XRCC4: variants seen among roughly 807,000 people sequenced by gnomAD.
XRCC4 encodes the protein DNA repair protein XRCC4.
XRCC4 carries 28 observed loss-of-function variants against 39.1 expected under a neutral mutation model. The ratio of observed to expected loss-of-function variants is 0.72; its 90% CI spans 0.53 to 0.98. The LOEUF is 0.98. Among genes scored for constraint, XRCC4 ranks in the 50% least tolerant of loss-of-function variants. The probability of loss-of-function intolerance (pLI) is 0.00; values close to 1 mark genes in which losing one functional copy is unlikely to be tolerated. For missense variants in XRCC4, 350 were observed against 376.4 expected (o/e 0.93, Z 0.58); for synonymous variants, 123 against 126.4 (o/e 0.97, Z 0.18).
chr5:83,207,513 T>G (rs1188016286), intron 6 of XRCC4, among the ~76,000 whole-genome samples: 1 of 152,132 alleles, frequency 6.6e-6, no homozygotes, highest in East Asian at 1.9e-4. Flanking sequence ...AAGTTTTCGA[T>G]GTCAAGAATT....
rs757113391 is a variant in XRCC4, at chr5:83,195,787, C to G, written c.333C>G (p.Phe111Leu). Residue 111 changes from phenylalanine (F) to leucine (L), a missense_variant, in exon 4 of 8, where the codon TTC becomes TTG. Physicochemically the swap from Phe to Leu is conservative, Grantham distance 22. Transcript: ENST00000396027. Reference sequence around the variant, plus strand: ...CATTTTAGTTCAGACTTGGTTCCTTCAACCTAGAGAAAGTTGAAAACCCAG... The same window carrying G: ...CATTTTAGTTCAGACTTGGTTCCTTGAACCTAGAGAAAGTTGAAAACCCAG... ...LKDVSFRLGS[F>L]NLEKVENPAE... 7 of 1,593,754 alleles carry G rather than the reference C, an allele frequency of 4.4e-6. No individual in the cohort carries two copies. The South Asian group carries it at 8.0e-5, about 18-fold the overall frequency.
intron 3 of XRCC4, among the ~76,000 whole-genome samples, chr5:83,177,858 C>T (rs898673647): frequency 1.3e-5 from 2 of 152,112 alleles, no homozygotes; most frequent in African/African-American, 2.4e-5. Context: ...CCAGGATTGA[C>T]ATAATCAGAT....
chr5:83,193,690 C>G (rs1750811187), intron 3 of XRCC4, among the ~76,000 whole-genome samples: 1 of 152,066 alleles, frequency 6.6e-6, no homozygotes, highest in Non-Finnish European at 1.5e-5. Context: ...AATTCTTTAT[C>G]CTTTTGGCAT....
chr5:83,301,053 G>GTCTT (rs1197931300), intron 7 of XRCC4, among the ~76,000 whole-genome samples: 1 of 152,170 alleles, frequency 6.6e-6, no homozygotes, highest in Admixed American at 6.5e-5. Flanking sequence ...GTGTGCGTGT[G>GTCTT]TCTTTATAGT....
chr5:83,157,269 A>G (rs1452283684), intron 3 of XRCC4, among the ~76,000 whole-genome samples: 1 of 152,102 alleles, frequency 6.6e-6, no homozygotes, highest in Non-Finnish European at 1.5e-5. Context: ...GTGTGATCAC[A>G]CTATCCTCTA....
At chr5:83,331,005 C>T (rs148418107) in intron 7 of XRCC4, among the ~76,000 whole-genome samples, 286 of 152,116 alleles carry the variant, frequency 1.9e-3, no homozygotes, top group African/African-American at 6.5e-3. Context: ...TTAAAACCAT[C>T]CCTACCTACC....
chr5:83,343,197 G>A (rs1052356426), intron 7 of XRCC4, among the ~76,000 whole-genome samples: 9 of 151,696 alleles, frequency 5.9e-5, no homozygotes, highest in African/African-American at 9.7e-5. Flanking sequence ...TACCCTCGTC[G>A]TCATCGGTGA....
At chr5:83,089,474 A>T (rs573214501) in intron 1 of XRCC4, among the ~76,000 whole-genome samples, 1 of 152,154 alleles carries the variant, frequency 6.6e-6, no homozygotes, top group South Asian at 2.1e-4. Flanking sequence ...CATAACTCCA[A>T]TTCTCTAACA....
At chr5:83,129,208 C>G (rs1328774332) in intron 3 of XRCC4, among the ~76,000 whole-genome samples, 2 of 143,350 alleles carry the variant, frequency 1.4e-5, no homozygotes, top group Non-Finnish European at 3.0e-5. Flanking sequence ...AGCCAGTTTT[C>G]CCAGCACCAT....
At chr5:83,356,829 G>A (rs375811665), downstream of XRCC4, 3 of 370,524 alleles carry the variant, frequency 8.1e-6, no homozygotes, top group African/African-American at 2.1e-5. Context: ...TCTAAGATAA[G>A]GAGATTACAT....
At chr5:83,248,196 C>A (rs1410283193) in intron 6 of XRCC4, among the ~76,000 whole-genome samples, 1 of 152,046 alleles carries the variant, frequency 6.6e-6, no homozygotes, top group Non-Finnish European at 1.5e-5. Context: ...GTACATCTAA[C>A]AAAATTCAGT....
intron 7 of XRCC4, among the ~76,000 whole-genome samples, chr5:83,333,964 T>G (rs1424254194): frequency 6.6e-6 from 1 of 152,088 alleles, no homozygotes; most frequent in Non-Finnish European, 1.5e-5. Context: ...GAGACGGGGT[T>G]TCACCATATT....
chr5:83,256,653 A>G (rs1753552313), intron 6 of XRCC4, among the ~76,000 whole-genome samples: 1 of 150,876 alleles, frequency 6.6e-6, no homozygotes, highest in South Asian at 2.1e-4. Flanking sequence ...AAAAAAAAAA[A>G]CTTCCTTTTT....
At chr5:83,084,882 C>T (rs1190542029) in intron 1 of XRCC4, among the ~76,000 whole-genome samples, 1 of 152,130 alleles carries the variant, frequency 6.6e-6, no homozygotes, top group African/African-American at 2.4e-5. Context: ...GTTTTATCTT[C>T]ACCTAGCCCT....
intron 6 of XRCC4, among the ~76,000 whole-genome samples, chr5:83,240,235 T>C (rs1752854398): frequency 6.6e-6 from 1 of 152,152 alleles, no homozygotes. Flanking sequence ...GGGGAGAGGC[T>C]GTGTGACTGA....
At chr5:83,357,479 C>T (rs952516067), downstream of XRCC4, among the ~76,000 whole-genome samples, 10 of 151,806 alleles carry the variant, frequency 6.6e-5, no homozygotes, top group African/African-American at 1.5e-4. Flanking sequence ...GCTGAGGATG[C>T]GACTATCTTC....
intron 6 of XRCC4, among the ~76,000 whole-genome samples, chr5:83,228,811 A>T (rs1030536295): frequency 9.2e-5 from 14 of 152,096 alleles, no homozygotes; most frequent in Admixed American, 5.2e-4. Context: ...ATTTTCTTCC[A>T]TAAGGCCCTT....
At chr5:83,213,119 A>C (rs1751719406) in intron 6 of XRCC4, among the ~76,000 whole-genome samples, 1 of 152,110 alleles carries the variant, frequency 6.6e-6, no homozygotes, top group African/African-American at 2.4e-5. Flanking sequence ...AAAGAACAAA[A>C]AAAGAAATCA....
intron 6 of XRCC4, among the ~76,000 whole-genome samples, chr5:83,214,207 G>A (rs981266682): frequency 2.6e-5 from 4 of 152,038 alleles, no homozygotes; most frequent in African/African-American, 9.7e-5. Context: ...TCTAGGCAGG[G>A]CAATTAGGCA....
Sources: allele counts gnomAD v4.1 joint callset (sites outside exome capture counted in the v4.1 genomes callset), GRCh38; gene constraint gnomAD v4.1.1; transcripts MANE v1.5; gene names NCBI Gene and HGNC (gene_info 2026-07-23, HGNC 2026-07-21).